The following USP6 variants were observed in gnomAD, a reference collection of about 807,000 sequenced individuals.
USP6 encodes ubiquitin carboxyl-terminal hydrolase 6.
A neutral mutation model predicts 175.7 loss-of-function variants in USP6; 128 were observed. The ratio of observed to expected loss-of-function variants is 0.73; its 90% CI spans 0.63 to 0.84. The LOEUF (loss-of-function observed/expected upper bound fraction) is 0.84, where lower values mean the gene tolerates loss of function less well. Ranked by LOEUF, USP6 falls within the 40% of genes least tolerant of loss-of-function variation. The probability of loss-of-function intolerance (pLI) is 0.00; values close to 1 mark genes in which losing one functional copy is unlikely to be tolerated. For missense variants in USP6, 1,498 were observed against 1,760.3 expected (o/e 0.85, Z 2.67); for synonymous variants, 562 against 630.6 (o/e 0.89, Z 1.63).
intron 31 of USP6, among the ~76,000 whole-genome samples, chr17:5,158,214 C>T (rs1377368459): frequency 6.6e-6 from 1 of 152,080 alleles, no homozygotes; most frequent in Non-Finnish European, 1.5e-5. Flanking sequence ...TACATGAACT[C>T]TGAACTGAGT....
At chr17:5,171,722 G>A (rs771354914) in intron 37 of USP6, 43 bp downstream of exon 37, 13 of 1,577,654 alleles carry the variant, frequency 8.2e-6, no homozygotes, top group Non-Finnish European at 1.0e-5. Context: ...AATATCAACA[G>A]AACTGGGGAA....
intron 15 of USP6, chr17:5,134,432 C>G (rs2143868390): frequency 4.8e-6 from 1 of 209,064 alleles, no homozygotes; most frequent in Non-Finnish European, 9.7e-6. Flanking sequence ...ACATTGGCAG[C>G]CAGTTGGGCA....
In USP6 at chr17:5,134,953, G is replaced by A. The variant is rs186434675; in HGVS notation, c.495-281G>A. ...TGCACATTGGTTTGGAACCATGGAGGAACTGTGCACCCAAAGACTGAACTG... is the reference window on the plus strand; with the variant it reads ...TGCACATTGGTTTGGAACCATGGAGAAACTGTGCACCCAAAGACTGAACTG... On this transcript the variant is annotated intron_variant, in intron 15 of 37. Transcript: ENST00000574788. 8 of 398,450 alleles carry A rather than the reference G, an allele frequency of 2.0e-5. 1 individual carries two copies. The Admixed American group carries it at 2.5e-4, about 12-fold the overall frequency. The allele number at this position is 398,450 out of a possible 1,614,324, so 24.7% of individuals were successfully genotyped here. A position where few individuals can be genotyped will look rare whatever the true frequency, so the allele number is the denominator to read the frequency against.
At chr17:5,160,793 G>C (rs2073990289) in intron 31 of USP6, among the ~76,000 whole-genome samples, 1 of 152,156 alleles carries the variant, frequency 6.6e-6, no homozygotes, top group Non-Finnish European at 1.5e-5. Context: ...GATCCCTGAG[G>C]AATCGCCACA....
intron 4 of USP6, among the ~76,000 whole-genome samples, 197 bp downstream of exon 4, chr17:5,121,947 G>T (rs2072681421): frequency 1.3e-5 from 2 of 152,188 alleles, no homozygotes. Flanking sequence ...GTCTGGATTA[G>T]ATCACGTAGG....
intron 30 of USP6, among the ~76,000 whole-genome samples, chr17:5,151,580 T>C (rs2073774112): frequency 6.6e-6 from 1 of 152,086 alleles, no homozygotes; most frequent in Non-Finnish European, 1.5e-5. Context: ...TTGGATATCA[T>C]CCAGATATCA....
rs115227038 is a variant in USP6, at chr17:5,151,909, C to T, written c.2643+3142C>T. Among the ~76,000 whole-genome samples the T allele has an allele frequency of 5.5e-3, 840 of 152,190 alleles. 9 individuals carry two copies. The highest frequency in any genetic ancestry group is 0.019 in the African/African-American group (797 of 41,502). On this transcript the variant is annotated intron_variant, in intron 30 of 37. Coordinates refer to ENST00000574788, the MANE Select transcript of USP6 (RefSeq NM_001304284.2). ...AATGGTGAATTCATTCCTGACATTA[C>T]GCATATAAAGAAAAGATTAAATTGC...
In USP6 at chr17:5,148,750, G is replaced by T; in HGVS notation, c.2626G>T (p.Ala876Ser). 1.2e-6 allele frequency: 2 copies of T among 1,612,310 alleles called. No individual in the cohort carries two copies. The highest frequency in any genetic ancestry group is 1.7e-6 in the Non-Finnish European group (2 of 1,178,522). Reference sequence around the variant, plus strand: ...CAGCCCCTTTACAGGTTACATCATTGCAGTCCACCGAAAAATGGTTAGTTA... The same window carrying T: ...CAGCCCCTTTACAGGTTACATCATTTCAGTCCACCGAAAAATGGTTAGTTA... ...PDSPFTGYII[A>S]VHRKMMRTEL... The change falls in exon 30 of 38, where the codon GCA becomes TCA. Residue 876 changes from alanine to serine, a missense_variant. Physicochemically the swap from Ala to Ser is moderately conservative, Grantham distance 99. Transcript: ENST00000574788.
At chr17:5,121,327 C>T in intron 3 of USP6, 48 bp from the exon 4 acceptor site, 1 of 344,092 alleles carries the variant, frequency 2.9e-6, no homozygotes, top group Non-Finnish European at 5.7e-6. Context: ...TCCTGTGCCC[C>T]ACTTCTGAAA....
chr17:5,156,904 A>G (rs1028746907), intron 31 of USP6, among the ~76,000 whole-genome samples: 1 of 150,512 alleles, frequency 6.6e-6, no homozygotes, highest in Non-Finnish European at 1.5e-5. Flanking sequence ...TAATTTTTGT[A>G]TTTTTAGTAG....
At chr17:5,133,639 T>TGGG in intron 14 of USP6, 89 bp downstream of exon 14, 2 of 411,320 alleles carry the variant, frequency 4.9e-6, no homozygotes, top group Non-Finnish European at 9.0e-6. Flanking sequence ...CACCCTGGGG[T>TGGG]GGGGGGGTGG....
At position 5,133,532 on chromosome 17, in the gene USP6, A is replaced by T. The variant is rs1412416896; in HGVS notation, c.366A>T (p.Lys122Asn). 1 of 1,611,178 alleles carries T rather than the reference A, an allele frequency of 6.2e-7. No individual in the cohort carries two copies. Among genetic ancestry groups the T allele is most frequent in the East Asian group, 2.2e-5 (1 of 44,830 alleles). Residue 122 changes from lysine to asparagine, a missense_variant, in exon 14 of 38, where the codon AAA becomes AAT. Transcript: ENST00000574788. ...TGAACATTCAGGAAATCAAGTTGAAAAACCCCGGAAGATACCAGGTATGCT... is the reference window on the plus strand; with the variant it reads ...TGAACATTCAGGAAATCAAGTTGAATAACCCCGGAAGATACCAGGTATGCT... ...VLLNIQEIKL[K>N]NPGRYQIMKE...
chr17:5,122,635 C>A (rs2072722175), intron 4 of USP6, among the ~76,000 whole-genome samples: 1 of 152,218 alleles, frequency 6.6e-6, no homozygotes, highest in Non-Finnish European at 1.5e-5. Context: ...GAACGGCCGG[C>A]TGCAACGCGT....
At chr17:5,135,981 C>T (rs1003005470) in intron 17 of USP6, 53 bp downstream of exon 17, 8 of 1,596,754 alleles carry the variant, frequency 5.0e-6, no homozygotes, top group Non-Finnish European at 5.9e-6. Context: ...GGGAAAGCCA[C>T]TGTGGCCAGG....
At chr17:5,123,098 C>T (rs1217472034) in intron 4 of USP6, 4 of 153,342 alleles carry the variant, frequency 2.6e-5, no homozygotes, top group African/African-American at 9.7e-5. Flanking sequence ...CCATCCTTGT[C>T]GTCGTCGCGG....
In USP6 at chr17:5,133,928, C is replaced by T; in HGVS notation, c.426C>T (p.His142=). ...GCAAGAGGTCATCTGAACACATCCA[C>T]CACATCGACCTGGACGTGAGGACGA... ...ERGKRSSEHI[H]HIDLDVRTTL... Residue 142 remains histidine (H), a synonymous_variant, in exon 15 of 38, where the codon CAC becomes CAT. Coordinates refer to ENST00000574788, the MANE Select transcript of USP6 (RefSeq NM_001304284.2). 1 of 1,614,188 alleles carries T rather than the reference C, an allele frequency of 6.2e-7. No homozygotes were observed. The highest frequency in any genetic ancestry group is 8.5e-7 in the Non-Finnish European group (1 of 1,180,008).
chr17:5,138,210 C>G lies in USP6; in HGVS notation c.1015C>G (p.Leu339Val). Residue 339 changes from leucine (L) to valine (V), a missense_variant, in exon 21 of 38, where the codon CTC becomes GTC. Physicochemically the swap from Leu to Val is conservative, Grantham distance 32. This residue lies in a region of USP6 where 1,217 missense variants were observed against 1,500.8 expected (regional missense o/e 0.81). Transcript: ENST00000574788. Reference protein sequence around the residue: ...DTWAMNDDTVLKHLRASTKKL... With the variant: ...DTWAMNDDTVVKHLRASTKKL... Reference sequence around the variant, plus strand: ...CTGGGCCATGAACGATGACACCGTGCTCAAGCATCTTAGGGCCTCTACGAA... The same window carrying G: ...CTGGGCCATGAACGATGACACCGTGGTCAAGCATCTTAGGGCCTCTACGAA... 2 of 1,614,104 alleles carry G rather than the reference C, an allele frequency of 1.2e-6. No homozygotes were observed. Among genetic ancestry groups the G allele is most frequent in the Non-Finnish European group, 1.7e-6 (2 of 1,180,000 alleles).
chr17:5,132,529 C>A lies in USP6; in HGVS notation c.195+94C>A. Reference sequence around the variant, plus strand: ...AGGAAGCAGCTGGCCTGGGCGGTGGCGGGTGAGGGCAACACGCTGTCACTG... The same window carrying A: ...AGGAAGCAGCTGGCCTGGGCGGTGGAGGGTGAGGGCAACACGCTGTCACTG... On this transcript the variant is annotated intron_variant, in intron 12 of 37. Coordinates refer to ENST00000574788, the MANE Select transcript of USP6 (RefSeq NM_001304284.2). The surrounding 1 kb of genome is among the most constrained non-coding windows in gnomAD (Gnocchi z 4.7). The A allele has an allele frequency of 6.2e-7, 1 of 1,601,584 alleles. No homozygotes were observed. The highest frequency in any genetic ancestry group is 1.3e-5 in the African/African-American group (1 of 74,722).
chr17:5,163,241 G>A (rs1370882645), intron 33 of USP6, among the ~76,000 whole-genome samples: 3 of 152,166 alleles, frequency 2.0e-5, no homozygotes, highest in Non-Finnish European at 2.9e-5. Context: ...AACAGAGTAC[G>A]TGAGGCTGGT....
Sources: gnomAD v4.1 joint callset for allele counts (sites outside exome capture counted in the v4.1 genomes callset) on GRCh38, gnomAD v4.1.1 for gene constraint, gnomAD v4.1.1 regional missense constraint, Gnocchi (gnomAD v3.1) non-coding constraint, MANE v1.5 for transcripts, NCBI Gene and HGNC (gene_info 2026-07-23, HGNC 2026-07-21) for gene names.